Variants in SUGCT observed in about 807,000 individuals in gnomAD.
SUGCT encodes succinyl-CoA:glutarate-CoA transferase, also known as succinyl-CoA:glutarate CoA-transferase.
Under a neutral mutation model 55.0 loss-of-function variants are expected in SUGCT, and 41 were observed. That is an observed-to-expected ratio of 0.74 (90% CI 0.58 to 0.97). The LOEUF (loss-of-function observed/expected upper bound fraction) is 0.97. SUGCT is among the 50% of genes least tolerant of loss of function. SUGCT has a pLI of 0.00. For missense variants in SUGCT, 568 were observed against 547.8 expected, an observed-to-expected ratio of 1.04 and a Z score of -0.37; for synonymous variants, 187 against 200.4, an observed-to-expected ratio of 0.93 and a Z score of 0.56.
intron 9 of SUGCT, among the ~76,000 whole-genome samples, chr7:40,413,261 G>T (rs1038555384): frequency 2.0e-5 from 3 of 152,096 alleles, no homozygotes; most frequent in African/African-American, 7.2e-5. Flanking sequence ...GGAAACTGCT[G>T]TTCCATGGGC....
At chr7:40,484,216 G>T (rs924154257) in intron 11 of SUGCT, among the ~76,000 whole-genome samples, 1 of 152,154 alleles carries the variant, frequency 6.6e-6, no homozygotes, top group African/African-American at 2.4e-5. Flanking sequence ...AGTGAGATGG[G>T]CTATGGGCCT....
intron 12 of SUGCT, among the ~76,000 whole-genome samples, chr7:40,626,136 C>T (rs1308291981): frequency 1.3e-5 from 2 of 152,136 alleles, no homozygotes; most frequent in Non-Finnish European, 2.9e-5. Flanking sequence ...GCCAAAAGGA[C>T]GTTCCTTTAT....
chr7:40,180,216 C>T (rs1053122310), intron 1 of SUGCT, among the ~76,000 whole-genome samples: 1 of 151,694 alleles, frequency 6.6e-6, no homozygotes, highest in Non-Finnish European at 1.5e-5. Context: ...TTCCGCCTCC[C>T]GGGTTCAAAG....
the SUGCT span, among the ~76,000 whole-genome samples, chr7:41,019,803 A>G: frequency 6.6e-6 from 1 of 152,252 alleles, no homozygotes; most frequent in Non-Finnish European, 1.5e-5. Context: ...CAGAACTTCA[A>G]GAATTTTCTT....
the SUGCT span, among the ~76,000 whole-genome samples, chr7:40,891,903 G>A: frequency 1.3e-5 from 2 of 152,070 alleles, no homozygotes; most frequent in African/African-American, 4.8e-5. Context: ...AGCTACTCGG[G>A]AGGCTGAGGC....
At chr7:40,604,772 A>G (rs1584109814) in intron 12 of SUGCT, among the ~76,000 whole-genome samples, 1 of 152,098 alleles carries the variant, frequency 6.6e-6, no homozygotes, top group East Asian at 1.9e-4. Context: ...AGAAATCATC[A>G]CACTCCTGAG....
chr7:40,365,842 T>G (rs1054380364), intron 9 of SUGCT, among the ~76,000 whole-genome samples: 146 of 152,234 alleles, frequency 9.6e-4, no homozygotes, highest in African/African-American at 2.9e-3. Context: ...TACTGCCCAA[T>G]GTAATTTATA....
the SUGCT span, among the ~76,000 whole-genome samples, chr7:40,949,376 T>A: frequency 1.3e-5 from 2 of 152,142 alleles, no homozygotes; most frequent in Non-Finnish European, 2.9e-5. Context: ...GATGAGTAGA[T>A]TGCAAAAATT....
At chr7:40,433,522 A>G (rs1372185054) in intron 9 of SUGCT, among the ~76,000 whole-genome samples, 4 of 152,152 alleles carry the variant, frequency 2.6e-5, no homozygotes, top group Admixed American at 6.6e-5. Flanking sequence ...GGTCTTACTT[A>G]GTTAAGCCGA....
the SUGCT span, among the ~76,000 whole-genome samples, chr7:41,028,534 C>T: frequency 1.3e-5 from 2 of 152,188 alleles, no homozygotes; most frequent in Non-Finnish European, 2.9e-5. Flanking sequence ...GAGCCCACTA[C>T]ACACCTAGGC....
At chr7:40,725,942 C>A (rs116005282) in intron 12 of SUGCT, among the ~76,000 whole-genome samples, 1 of 151,806 alleles carries the variant, frequency 6.6e-6, no homozygotes, top group Admixed American at 6.6e-5. Context: ...GAGCTCCTAG[C>A]GAAGTATTAG....
At chr7:40,855,276 A>C (rs1157911805) in intron 13 of SUGCT, among the ~76,000 whole-genome samples, 2 of 151,426 alleles carry the variant, frequency 1.3e-5, no homozygotes, top group African/African-American at 2.4e-5. Flanking sequence ...CCTCAAAAAA[A>C]AAAAAGAAAA....
At chr7:40,884,505 C>T in the SUGCT span, among the ~76,000 whole-genome samples, 1 of 152,090 alleles carries the variant, frequency 6.6e-6, no homozygotes, top group African/African-American at 2.4e-5. Context: ...TGGAGATGCT[C>T]CTTGCTTGGC....
At chr7:40,311,198 GCT>G (rs1275545045) in intron 8 of SUGCT, among the ~76,000 whole-genome samples, 2 of 152,112 alleles carry the variant, frequency 1.3e-5, no homozygotes, top group Non-Finnish European at 2.9e-5. Context: ...CCTTTCACAT[GCT>G]CTGTCTGTTC....
intron 12 of SUGCT, among the ~76,000 whole-genome samples, chr7:40,520,685 ACT>A (rs1381451674): frequency 1.3e-5 from 2 of 152,060 alleles, no homozygotes; most frequent in Admixed American, 1.3e-4. Context: ...GAGATTTGCC[ACT>A]CTGTCTTCTC....
At chr7:40,677,022 C>T (rs181267208) in intron 12 of SUGCT, among the ~76,000 whole-genome samples, 15 of 151,442 alleles carry the variant, frequency 9.9e-5, no homozygotes, top group African/African-American at 2.4e-4. Flanking sequence ...CTAAATGTTC[C>T]GAAACGTATG....
intron 12 of SUGCT, among the ~76,000 whole-genome samples, chr7:40,589,335 G>A (rs1797583239): frequency 6.6e-6 from 1 of 152,110 alleles, no homozygotes; most frequent in Non-Finnish European, 1.5e-5. Flanking sequence ...TTCTCTCAGA[G>A]TCTGGAGGCT....
At chr7:40,973,294 AAAAC>A in the SUGCT span, among the ~76,000 whole-genome samples, 1 of 152,210 alleles carries the variant, frequency 6.6e-6, no homozygotes, top group Admixed American at 6.5e-5. Context: ...GCATTCTGAA[AAAAC>A]AAAGCAATTC....
At chr7:40,865,072 C>G (rs1052357153), downstream of SUGCT, among the ~76,000 whole-genome samples, 1 of 151,896 alleles carries the variant, frequency 6.6e-6, no homozygotes, top group African/African-American at 2.4e-5. Flanking sequence ...TTTTTCTCAG[C>G]CTTTGAACCT....
Sources: gnomAD v4.1 joint callset for allele counts (sites outside exome capture counted in the v4.1 genomes callset) on GRCh38, gnomAD v4.1.1 for gene constraint, MANE v1.5 for transcripts, NCBI Gene and HGNC (gene_info 2026-07-23, HGNC 2026-07-21) for gene names.